GAB2: variants seen among roughly 807,000 people sequenced by gnomAD.
GAB2 encodes the protein GRB2 associated binding protein 2.
Under a neutral mutation model 65.5 loss-of-function variants are expected in GAB2, and 26 were observed. That is an observed-to-expected ratio of 0.40 (90% CI 0.29 to 0.55). The LOEUF is 0.55. GAB2 is among the 20% of genes least tolerant of loss of function. GAB2 has a pLI of 0.53. For missense variants in GAB2, 884 were observed against 875.8 expected (o/e 1.01, Z -0.12); for synonymous variants, 321 against 329.6 (o/e 0.97, Z 0.28).
At chr11:78,299,402 C>T (rs1018837712) in intron 1 of GAB2, among the ~76,000 whole-genome samples, 30 of 152,176 alleles carry the variant, frequency 2.0e-4, no homozygotes, top group African/African-American at 7.2e-4. Context: ...TCAGGCAGAG[C>T]TTCTGGACTG....
chr11:78,383,384 A>G (rs1856721931), intron 1 of GAB2, among the ~76,000 whole-genome samples: 1 of 151,996 alleles, frequency 6.6e-6, no homozygotes, highest in Non-Finnish European at 1.5e-5. Flanking sequence ...TAAAAAATTC[A>G]TTAATTCAAA....
intron 1 of GAB2, among the ~76,000 whole-genome samples, chr11:78,350,684 A>G (rs909638163): frequency 2.0e-5 from 3 of 152,204 alleles, no homozygotes; most frequent in Non-Finnish European, 4.4e-5. Context: ...GCTCTAAAAC[A>G]AACTGTGATG....
intron 1 of GAB2, among the ~76,000 whole-genome samples, chr11:78,365,980 T>A (rs1856492233): frequency 6.6e-6 from 1 of 152,214 alleles, no homozygotes; most frequent in Non-Finnish European, 1.5e-5. Flanking sequence ...TATGGACCAG[T>A]TACAGTTTTC....
chr11:78,288,382 G>GAAAAAAAAAAAAAAAAAAAAAAAAAA (rs369041941), intron 1 of GAB2, among the ~76,000 whole-genome samples: 1 of 119,546 alleles, frequency 8.4e-6, no homozygotes, highest in African/African-American at 3.2e-5. Context: ...CCATCTCAAA[G>GAAAAAAAAAAAAAAAAAAAAAAAAAA]AAAAAAAAAA....
intron 1 of GAB2, among the ~76,000 whole-genome samples, chr11:78,399,180 A>C (rs1458968570): frequency 1.3e-5 from 2 of 152,238 alleles, no homozygotes; most frequent in Non-Finnish European, 2.9e-5. Flanking sequence ...TACCTTGATG[A>C]TAGCTGCTGC....
At chr11:78,407,636 AG>A (rs1355251889) in intron 1 of GAB2, among the ~76,000 whole-genome samples, 17 of 113,486 alleles carry the variant, frequency 1.5e-4, no homozygotes, top group African/African-American at 5.4e-4. Flanking sequence ...TCCTTCTCAA[AG>A]AAAGAAAGAA....
At chr11:78,416,533 TG>T (rs756650934) in intron 1 of GAB2, among the ~76,000 whole-genome samples, 2 of 152,212 alleles carry the variant, frequency 1.3e-5, no homozygotes, top group Non-Finnish European at 2.9e-5. Flanking sequence ...GCACTGCAGC[TG>T]GAGGCAACGG....
chr11:78,371,293 G>T (rs1172165075), intron 1 of GAB2, among the ~76,000 whole-genome samples: 1 of 152,208 alleles, frequency 6.6e-6, no homozygotes, highest in African/African-American at 2.4e-5. Context: ...AAAGGGCAGG[G>T]ACTTGCAGCC....
In GAB2 at chr11:78,218,466, C is replaced by T. The variant is rs190246873; in HGVS notation, c.*806G>A. On this transcript the variant is annotated 3_prime_UTR_variant, in exon 10 of 10. Transcript: ENST00000361507. The stretch of plus-strand genomic sequence containing the variant: ...TTGGGCCTAGAGTGGCCTGTAGCTC[C>T]AGAGTTCTGGGGACCCAGACCCCAC... 748 of 152,616 alleles carry T rather than the reference C, an allele frequency of 4.9e-3. 6 individuals carry two copies. Among genetic ancestry groups the T allele is most frequent in the Non-Finnish European group, 7.8e-3 (531 of 68,256 alleles). The allele number at this position is 152,616 out of a possible 1,614,324, so 9.5% of individuals were successfully genotyped here. A position where few individuals can be genotyped will look rare whatever the true frequency, so the allele number is the denominator to read the frequency against.
intron 1 of GAB2, among the ~76,000 whole-genome samples, chr11:78,323,514 A>G (rs982432713): frequency 5.3e-5 from 8 of 151,974 alleles, no homozygotes; most frequent in Non-Finnish European, 1.0e-4. Flanking sequence ...CGTCTCCCCA[A>G]TTCAAAAAAA....
At chr11:78,377,839 G>A (rs185392045) in intron 1 of GAB2, among the ~76,000 whole-genome samples, 1 of 152,248 alleles carries the variant, frequency 6.6e-6, no homozygotes, top group East Asian at 1.9e-4. Context: ...CCTCCACCCT[G>A]CCAGAGATAA....
intron 1 of GAB2, among the ~76,000 whole-genome samples, chr11:78,415,063 G>A (rs746794761): frequency 2.6e-5 from 4 of 152,076 alleles, no homozygotes; most frequent in African/African-American, 9.7e-5. Context: ...GTAGAGACGG[G>A]GTTTCACCAC....
chr11:78,288,382 G>T, intron 1 of GAB2, among the ~76,000 whole-genome samples: 1 of 119,536 alleles, frequency 8.4e-6, no homozygotes, highest in African/African-American at 3.2e-5. Context: ...CCATCTCAAA[G>T]AAAAAAAAAA....
chr11:78,221,659 G>C lies in GAB2; in HGVS notation c.1761+18C>G. 6.5e-7 allele frequency: 1 copy of C among 1,528,386 alleles called. No individual in the cohort carries two copies. Among genetic ancestry groups the C allele is most frequent in the Non-Finnish European group, 9.0e-7 (1 of 1,106,890 alleles). The allele number at this position is 1,528,386 out of a possible 1,614,324, so 94.7% of individuals were successfully genotyped here. ...GGGACTTGAAAGGCGTCATTCCAGC[G>C]AAGCCCGAAGGACTCACCATAGGGA... On this transcript the variant is annotated intron_variant, in intron 8 of 9. Coordinates refer to ENST00000361507, the MANE Select transcript of GAB2 (RefSeq NM_080491.3).
intron 1 of GAB2, 79 bp from the exon 2 acceptor site, chr11:78,280,980 G>GGCAAGACCTGTC: frequency 8.2e-7 from 1 of 1,219,260 alleles, no homozygotes; most frequent in Non-Finnish European, 1.2e-6. Flanking sequence ...TCAGAGACAG[G>GGCAAGACCTGTC]TCTTGCCCTG....
chr11:78,271,315 A>G (rs568309786), intron 2 of GAB2, among the ~76,000 whole-genome samples: 1 of 152,348 alleles, frequency 6.6e-6, no homozygotes, highest in African/African-American at 2.4e-5. Context: ...GAGGCAGGTG[A>G]GGTTCTTTCA....
intron 2 of GAB2, 105 bp downstream of exon 2, chr11:78,280,496 G>A (rs553025959): frequency 1.8e-5 from 16 of 902,340 alleles, no homozygotes; most frequent in African/African-American, 1.7e-4. Flanking sequence ...ATCTATGAAC[G>A]CTCTTCCAAC....
intron 3 of GAB2, among the ~76,000 whole-genome samples, chr11:78,236,447 G>T (rs1864983728): frequency 6.6e-6 from 1 of 152,004 alleles, no homozygotes; most frequent in African/African-American, 2.4e-5. Flanking sequence ...CACCACACCA[G>T]GACTCTTATT....
chr11:78,370,420 AAAACAGGGC>A (rs1252191467), intron 1 of GAB2, among the ~76,000 whole-genome samples: 1 of 152,202 alleles, frequency 6.6e-6, no homozygotes, highest in Non-Finnish European at 1.5e-5. Context: ...AACAAGGTAT[AAAACAGGGC>A]AAACAGGGCA....
Sources: allele counts gnomAD v4.1 joint callset (sites outside exome capture counted in the v4.1 genomes callset), GRCh38; gene constraint gnomAD v4.1.1; transcripts MANE v1.5; gene names NCBI Gene and HGNC (gene_info 2026-07-23, HGNC 2026-07-21).